The following SNX13 variants were observed in gnomAD, a reference collection of about 807,000 sequenced individuals.
SNX13 encodes sorting nexin 13, also known as sorting nexin-13.
Under a neutral mutation model 133.6 loss-of-function variants are expected in SNX13, and 45 were observed. The ratio of observed to expected loss-of-function variants is 0.34; its 90% CI spans 0.27 to 0.43. SNX13 has a LOEUF of 0.43. Ranked by LOEUF, SNX13 falls within the 20% of genes least tolerant of loss-of-function variation. The pLI, the probability that SNX13 is intolerant of heterozygous loss-of-function variation, is 1.00. For missense variants in SNX13, 1,032 were observed against 1,145.1 expected, an observed-to-expected ratio of 0.90 and a Z score of 1.43; for synonymous variants, 414 against 373.9, an observed-to-expected ratio of 1.11 and a Z score of -1.24.
At chr7:17,839,006 T>A (rs1249235080) in intron 13 of SNX13, among the ~76,000 whole-genome samples, 1 of 149,854 alleles carries the variant, frequency 6.7e-6, no homozygotes, top group East Asian at 1.9e-4. Context: ...TATATTACAA[T>A]ATTATTAGAA....
chr7:17,859,097 A>G (rs144578364), intron 9 of SNX13, among the ~76,000 whole-genome samples: 2 of 152,264 alleles, frequency 1.3e-5, no homozygotes, highest in African/African-American at 4.8e-5. Context: ...TTGGGAAATT[A>G]CGTTTCATCA....
chr7:17,826,988 T>A (rs764825384), intron 16 of SNX13, among the ~76,000 whole-genome samples: 1 of 152,080 alleles, frequency 6.6e-6, no homozygotes, highest in Non-Finnish European at 1.5e-5. Context: ...ATAAGAGTGG[T>A]TTACCATACC....
intron 9 of SNX13, among the ~76,000 whole-genome samples, chr7:17,864,934 G>A (rs1462377231): frequency 6.6e-5 from 10 of 151,874 alleles, no homozygotes; most frequent in East Asian, 3.9e-4. Flanking sequence ...AGGAGGGAGC[G>A]GGATCATTCA....
At chr7:17,831,552 T>C in intron 15 of SNX13, 2 of 984,310 alleles carry the variant, frequency 2.0e-6, no homozygotes, top group Non-Finnish European at 1.2e-6. Flanking sequence ...ATGAAATTTC[T>C]ACTCAAGCAA....
chr7:17,816,893 A>T (rs1562691290), intron 18 of SNX13, among the ~76,000 whole-genome samples: 1 of 152,208 alleles, frequency 6.6e-6, no homozygotes, highest in Non-Finnish European at 1.5e-5. Flanking sequence ...TAATATTGAC[A>T]TTGTTCAAAA....
At chr7:17,797,433 C>G (rs549696966) in intron 24 of SNX13, among the ~76,000 whole-genome samples, 1 of 151,976 alleles carries the variant, frequency 6.6e-6, no homozygotes, top group East Asian at 1.9e-4. Context: ...GGTCCTTTCA[C>G]AAGTAAAACA....
intron 16 of SNX13, among the ~76,000 whole-genome samples, chr7:17,826,957 A>T (rs1787977849): frequency 6.6e-6 from 1 of 152,062 alleles, no homozygotes. Flanking sequence ...TTTAGGGAAG[A>T]TTCTCAGCAT....
At chr7:17,817,370 T>C (rs1308913459) in intron 18 of SNX13, among the ~76,000 whole-genome samples, 2 of 152,240 alleles carry the variant, frequency 1.3e-5, no homozygotes, top group East Asian at 1.9e-4. Context: ...TCCCTTGTGA[T>C]ACATATCCTA....
chr7:17,924,213 A>C (rs1800457545), intron 1 of SNX13, among the ~76,000 whole-genome samples: 1 of 152,242 alleles, frequency 6.6e-6, no homozygotes, highest in African/African-American at 2.4e-5. Context: ...AATGGGAGAA[A>C]ATATTTGCAA....
At chr7:17,860,506 T>C (rs189378749) in intron 9 of SNX13, among the ~76,000 whole-genome samples, 4 of 152,218 alleles carry the variant, frequency 2.6e-5, no homozygotes, top group African/African-American at 7.2e-5. Flanking sequence ...TCTATTGCTG[T>C]TATTTTTGTC....
intron 15 of SNX13, chr7:17,831,447 G>C: frequency 1.1e-6 from 1 of 936,300 alleles, no homozygotes; most frequent in Non-Finnish European, 1.3e-6. Flanking sequence ...AAGGGCAAAG[G>C]AAGAAATGAG....
intron 1 of SNX13, among the ~76,000 whole-genome samples, chr7:17,906,588 A>G (rs1396593126): frequency 1.3e-5 from 2 of 152,130 alleles, no homozygotes; most frequent in Non-Finnish European, 2.9e-5. Flanking sequence ...ACTTCCTCTC[A>G]TAATCTGATA....
intron 18 of SNX13, among the ~76,000 whole-genome samples, chr7:17,821,124 T>G (rs974440666): frequency 6.6e-6 from 1 of 152,180 alleles, no homozygotes; most frequent in Non-Finnish European, 1.5e-5. Flanking sequence ...TAAAATAACT[T>G]CTAGGTTTAA....
chr7:17,848,709 G>A (rs938482719), intron 11 of SNX13, among the ~76,000 whole-genome samples: 3 of 152,182 alleles, frequency 2.0e-5, no homozygotes, highest in African/African-American at 7.2e-5. Context: ...GTTTGATCCC[G>A]CCAGTGCCGA....
At chr7:17,871,371 G>T (rs1246628898) in intron 8 of SNX13, among the ~76,000 whole-genome samples, 2 of 152,162 alleles carry the variant, frequency 1.3e-5, no homozygotes, top group South Asian at 4.1e-4. Flanking sequence ...ACTTTTGGGG[G>T]AAAATGCCAG....
chr7:17,801,744 T>G (rs1784671076), intron 21 of SNX13, 85 bp from the exon 22 acceptor site: 1 of 1,000,534 alleles, frequency 1.0e-6, no homozygotes. Context: ...TAAATGAGTA[T>G]CAGCATTTGA....
intron 3 of SNX13, 67 bp from the exon 4 acceptor site, chr7:17,891,702 G>C (rs1232297971): frequency 4.7e-6 from 5 of 1,067,740 alleles, no homozygotes; most frequent in Non-Finnish European, 5.7e-6. Flanking sequence ...TTTAATTCCA[G>C]TTGAATACTC....
chr7:17,791,095 A>G lies in SNX13; in HGVS notation c.*2950T>C, dbSNP rs1783493496. On this transcript the variant is annotated 3_prime_UTR_variant, in exon 26 of 26. Transcript: ENST00000428135. Reference sequence around the variant, plus strand: ...AGACTTTTAAAACAAGTCCTTAAATAAAAGGATGCAGCAACAACGGAATGT... The same window carrying G: ...AGACTTTTAAAACAAGTCCTTAAATGAAAGGATGCAGCAACAACGGAATGT... The G allele has an allele frequency of 6.6e-6, 1 of 152,068 alleles. No homozygotes were observed. The highest frequency in any genetic ancestry group is 6.6e-5 in the Admixed American group (1 of 15,258). 9.4% of individuals were successfully genotyped at this position (152,068 alleles called of 1,614,324 possible). A position where few individuals can be genotyped will look rare whatever the true frequency, so the allele number is the denominator to read the frequency against.
intron 20 of SNX13, among the ~76,000 whole-genome samples, 196 bp downstream of exon 20, chr7:17,814,638 C>CT (rs1443238265): frequency 2.0e-5 from 3 of 152,050 alleles, no homozygotes; most frequent in African/African-American, 7.2e-5. Context: ...CAAGCGTCTG[C>CT]TGAATTATAA....
Sources: gnomAD v4.1 joint callset for allele counts (sites outside exome capture counted in the v4.1 genomes callset) on GRCh38, gnomAD v4.1.1 for gene constraint, MANE v1.5 for transcripts, NCBI Gene and HGNC (gene_info 2026-07-23, HGNC 2026-07-21) for gene names.